LINGO1: variants seen among roughly 807,000 people sequenced by gnomAD.
LINGO1 encodes leucine-rich repeat and immunoglobulin-like domain-containing nogo receptor-interacting protein 1.
Under a neutral mutation model 37.3 loss-of-function variants are expected in LINGO1, and 11 were observed. That is an observed-to-expected ratio of 0.29 (90% confidence interval 0.19 to 0.49). The LOEUF (loss-of-function observed/expected upper bound fraction) is 0.49. Ranked by LOEUF, LINGO1 falls within the 20% of genes least tolerant of loss-of-function variation. LINGO1 has a pLI of 0.99. For missense variants in LINGO1, 585 were observed against 878.2 expected, an observed-to-expected ratio of 0.67 and a Z score of 4.22; for synonymous variants, 387 against 403.0, an observed-to-expected ratio of 0.96 and a Z score of 0.48.
At chr15:77,810,024 C>T (rs2076990922) in intron 1 of LINGO1, among the ~76,000 whole-genome samples, 1 of 152,000 alleles carries the variant, frequency 6.6e-6, no homozygotes, top group African/African-American at 2.4e-5. Flanking sequence ...CTCCCACCCT[C>T]CTCCCCCAAT....
rs551042087 is a variant in LINGO1 at position 77,659,330 on chromosome 15, C to G, written c.-13+17759G>C. ...TTCCAAGACCCAGCCCAAATGCCAC[C>G]TCTTCTAAGAAGTCTTCCCTGACTT... On this transcript the variant is annotated intron_variant, in intron 3 of 3. Transcript: ENST00000559893. Among the ~76,000 whole-genome samples, 15 of 151,622 alleles carry G rather than the reference C, an allele frequency of 9.9e-5. No individual in the cohort carries two copies. In the South Asian group the frequency reaches 3.3e-3, roughly 33 times the overall value.
At chr15:77,717,291 A>G (rs919592881) in intron 2 of LINGO1, among the ~76,000 whole-genome samples, 4 of 150,942 alleles carry the variant, frequency 2.7e-5, no homozygotes, top group African/African-American at 9.7e-5. Context: ...AGAGGCATTA[A>G]AAATTGAAAT....
intron 1 of LINGO1, among the ~76,000 whole-genome samples, chr15:77,780,008 G>A (rs765630458): frequency 6.6e-5 from 10 of 152,220 alleles, no homozygotes; most frequent in South Asian, 2.1e-4. Context: ...TGCCACAGAA[G>A]CTCAGAGGAG....
At chr15:77,753,401 G>A (rs1203500337) in intron 1 of LINGO1, among the ~76,000 whole-genome samples, 2 of 152,212 alleles carry the variant, frequency 1.3e-5, no homozygotes, top group African/African-American at 4.8e-5. Context: ...ACCTGTGGAG[G>A]CTATGTTCAG....
upstream of LINGO1, chr15:77,820,749 A>G (rs930059356): frequency 6.6e-6 from 1 of 152,286 alleles, no homozygotes; most frequent in African/African-American, 2.4e-5. Context: ...GGGGAGTCCC[A>G]AGGTAGTCCC....
At chr15:77,707,935 G>A (rs562070940) in intron 2 of LINGO1, among the ~76,000 whole-genome samples, 2 of 152,288 alleles carry the variant, frequency 1.3e-5, no homozygotes, top group Admixed American at 1.3e-4. Flanking sequence ...TGGAAAGGAT[G>A]AGATGAGAGA....
At chr15:77,664,445 A>G (rs2075084638) in intron 3 of LINGO1, among the ~76,000 whole-genome samples, 1 of 151,950 alleles carries the variant, frequency 6.6e-6, no homozygotes, top group Non-Finnish European at 1.5e-5. Flanking sequence ...CCCTGACCCC[A>G]TCCTCTGGCA....
At chr15:77,650,319 C>T (rs2074731862) in intron 3 of LINGO1, among the ~76,000 whole-genome samples, 2 of 151,888 alleles carry the variant, frequency 1.3e-5, no homozygotes, top group African/African-American at 4.8e-5. Context: ...ATCTTAAAAG[C>T]AAAAAAATAT....
At chr15:77,769,859 G>T (rs752585949) in intron 1 of LINGO1, among the ~76,000 whole-genome samples, 1 of 152,126 alleles carries the variant, frequency 6.6e-6, no homozygotes. Flanking sequence ...TGTCCTACAC[G>T]TGCAGCAGAC....
At chr15:77,640,593 G>C (rs1272577821) in intron 3 of LINGO1, among the ~76,000 whole-genome samples, 3 of 152,264 alleles carry the variant, frequency 2.0e-5, no homozygotes, top group East Asian at 3.9e-4. Context: ...AGCTGAGATT[G>C]TCAGGATGTA....
At chr15:77,782,971 A>G (rs2076735658) in intron 1 of LINGO1, among the ~76,000 whole-genome samples, 1 of 147,742 alleles carries the variant, frequency 6.8e-6, no homozygotes, top group South Asian at 2.2e-4. Context: ...TCTCTCCCTC[A>G]CTCCCCACCC....
chr15:77,760,605 C>T (rs1411321336), intron 1 of LINGO1, among the ~76,000 whole-genome samples: 1 of 152,218 alleles, frequency 6.6e-6, no homozygotes, highest in Non-Finnish European at 1.5e-5. Flanking sequence ...CCTTATCAAC[C>T]TGCTTTGCTC....
chr15:77,685,481 T>A (rs1348292647), intron 2 of LINGO1, among the ~76,000 whole-genome samples: 2 of 152,198 alleles, frequency 1.3e-5, no homozygotes, highest in Non-Finnish European at 2.9e-5. Flanking sequence ...TCTGCCTGTG[T>A]ACCAGTGAAC....
At chr15:77,790,662 A>G (rs1231101849), upstream of LINGO1, among the ~76,000 whole-genome samples, 1 of 152,140 alleles carries the variant, frequency 6.6e-6, no homozygotes, top group Non-Finnish European at 1.5e-5. Context: ...AGCCACAGAC[A>G]TTGCTGAAAT....
At chr15:77,780,926 G>A (rs996588675) in intron 1 of LINGO1, among the ~76,000 whole-genome samples, 2 of 152,144 alleles carry the variant, frequency 1.3e-5, no homozygotes, top group African/African-American at 4.8e-5. Flanking sequence ...CCTGAGTCTT[G>A]GTATGCTATT....
chr15:77,754,344 G>A (rs973413498), intron 1 of LINGO1, among the ~76,000 whole-genome samples: 5 of 151,668 alleles, frequency 3.3e-5, no homozygotes, highest in African/African-American at 1.2e-4. Flanking sequence ...AGGGAAGGAA[G>A]ACAGATTCCC....
At chr15:77,699,929 T>C (rs1256141719), upstream of LINGO1, among the ~76,000 whole-genome samples, 4 of 152,194 alleles carry the variant, frequency 2.6e-5, no homozygotes, top group Non-Finnish European at 4.4e-5. Context: ...ATTCTGCCCA[T>C]TGGACCCAGT....
chr15:77,720,405 C>T (rs931535901), intron 2 of LINGO1, among the ~76,000 whole-genome samples: 30 of 152,246 alleles, frequency 2.0e-4, no homozygotes, highest in African/African-American at 7.0e-4. Context: ...CGTGTGTGAG[C>T]GCAGTGCCTG....
intron 2 of LINGO1, among the ~76,000 whole-genome samples, chr15:77,677,995 A>G (rs1469946793): frequency 6.6e-6 from 1 of 151,842 alleles, no homozygotes; most frequent in East Asian, 1.9e-4. Context: ...CCTCCAGACC[A>G]CACAGCCACC....
Sources: gnomAD v4.1 joint callset for allele counts (sites outside exome capture counted in the v4.1 genomes callset) on GRCh38, gnomAD v4.1.1 for gene constraint, MANE v1.5 for transcripts, NCBI Gene and HGNC (gene_info 2026-07-23, HGNC 2026-07-21) for gene names.